Variants in RYR1 observed in about 807,000 individuals in gnomAD.
The protein encoded by RYR1 is ryanodine receptor 1.
In RYR1, 342 loss-of-function variants were observed where a neutral mutation model predicts 583.5. The observed-to-expected ratio is 0.59, with a 90% CI of 0.54 to 0.64. The LOEUF is 0.64. RYR1 is among the 30% of genes least tolerant of loss of function. The pLI is 0.00. For synonymous variants in RYR1, 2,791 were observed against 2,822.5 expected (o/e 0.99, Z 0.35); for missense variants, 6,032 against 6,917.2 (o/e 0.87, Z 4.54).
At chr19:38,453,731 A>C (rs1600670438) in intron 13 of RYR1, among the ~76,000 whole-genome samples, 1 of 151,858 alleles carries the variant, frequency 6.6e-6, no homozygotes, top group East Asian at 1.9e-4. Flanking sequence ...GGAAGAGAGG[A>C]AGCCATGTGC....
At position 38,577,969 on chromosome 19, in the gene RYR1, C is replaced by T; in HGVS notation, c.14224C>T (p.Leu4742=). The change falls in exon 98 of 106, where the codon CTG becomes TTG. Residue 4742 remains leucine, a synonymous_variant. Transcript: ENST00000359596. ...IYGRERIAEL[L]GMDLATLEIT... is the part of the protein sequence containing the mutation. ...CGGGCGGGAGCGGATTGCTGAGCTA[C>T]TGGGCATGGACCTGGCCACACTAGA... 1 of 1,614,110 alleles carries T rather than the reference C, an allele frequency of 6.2e-7. No individual in the cohort carries two copies.
chr19:38,534,649 T>G, intron 78 of RYR1, 71 bp from the exon 79 acceptor site: 2 of 1,331,282 alleles, frequency 1.5e-6, no homozygotes, highest in Non-Finnish European at 2.1e-6. Flanking sequence ...AGGGCAGAAG[T>G]GAGAATGTGA....
chr19:38,510,872 TGG>T, intron 60 of RYR1, 91 bp downstream of exon 60: 1 of 1,579,898 alleles, frequency 6.3e-7, no homozygotes, highest in South Asian at 1.1e-5. Flanking sequence ...TGCTGGGTGT[TGG>T]GTACTGACCG....
At chr19:38,568,581 C>CAAAAAAA (rs59369147) in intron 93 of RYR1, among the ~76,000 whole-genome samples, 5 of 64,896 alleles carry the variant, frequency 7.7e-5, no homozygotes, top group African/African-American at 1.8e-4. Context: ...ACTAAAAATA[C>CAAAAAAA]AAAAAAAAAA....
chr19:38,582,129 G>A (rs1810767354), intron 101 of RYR1, among the ~76,000 whole-genome samples: 1 of 152,104 alleles, frequency 6.6e-6, no homozygotes. Flanking sequence ...CTTGCACGGT[G>A]GCTCATGCCT....
In RYR1 at chr19:38,578,065, C is replaced by G. The variant is rs200239964; in HGVS notation, c.14303+17C>G. On this transcript the variant is annotated intron_variant, in intron 98 of 105. Coordinates refer to ENST00000359596, the MANE Select transcript of RYR1 (RefSeq NM_000540.3). ...GCTGACCTGGTGAGCCCAGGACACC[C>G]CTGCACAGGCCTGGGGCATGCAGGG... The G allele has an allele frequency of 8.1e-6, 13 of 1,613,950 alleles. No homozygotes were observed.
In RYR1 at chr19:38,566,779, T is replaced by C. The variant is rs914021275; in HGVS notation, c.13438-132T>C. ...AAAACGGGAATCATAATCTGCCTCT[T>C]TCTGGTGGAGGGAAGTGTAAAACTT... On this transcript the variant is annotated intron_variant, in intron 91 of 105. Transcript: ENST00000359596. 3.1e-5 allele frequency: 46 copies of C among 1,506,122 alleles called. No individual in the cohort carries two copies. In the South Asian group the frequency reaches 5.4e-4, roughly 18 times the overall value. The allele number at this position is 1,506,122 out of a possible 1,614,324, so 93.3% of individuals were successfully genotyped here.
intron 29 of RYR1, among the ~76,000 whole-genome samples, chr19:38,475,697 G>C (rs535127359): frequency 6.6e-6 from 1 of 152,310 alleles, no homozygotes; most frequent in East Asian, 1.9e-4. Flanking sequence ...TATAACTCCT[G>C]GGGATCCCCA....
At chr19:38,442,541 G>A in intron 3 of RYR1, 88 bp downstream of exon 3, 1 of 907,698 alleles carries the variant, frequency 1.1e-6, no homozygotes, top group Admixed American at 1.8e-5. Context: ...AAGGATGGGT[G>A]AGAGGACCCG....
intron 27 of RYR1, 38 bp from the exon 28 acceptor site, chr19:38,473,339 G>A (rs201504947): frequency 2.5e-5 from 40 of 1,612,950 alleles, no homozygotes; most frequent in Non-Finnish European, 3.3e-5. Context: ...GGCCTAGCCC[G>A]CCTGCCCAGC....
intron 93 of RYR1, among the ~76,000 whole-genome samples, chr19:38,569,973 G>C (rs1388787123): frequency 6.6e-6 from 1 of 152,192 alleles, no homozygotes; most frequent in Non-Finnish European, 1.5e-5. Flanking sequence ...AGACCAGCCT[G>C]ACCAACATGG....
In RYR1 at chr19:38,448,380, G is replaced by A. The variant is rs1331974286; in HGVS notation, c.826G>A (p.Gly276Ser). ...ISWSGSHLRW[G>S]QPLRVRHVTT... Reference sequence around the variant, plus strand: ...CTGGAGTGGGAGCCACCTGCGCTGGGGCCAGCCACTCCGAGTCCGGCATGT... The same window carrying A: ...CTGGAGTGGGAGCCACCTGCGCTGGAGCCAGCCACTCCGAGTCCGGCATGT... Residue 276 changes from glycine (G) to serine (S), a missense_variant, in exon 10 of 106, where the codon GGC becomes AGC. Physicochemically the swap from Gly to Ser is moderately conservative, Grantham distance 56. Coordinates refer to ENST00000359596, the MANE Select transcript of RYR1 (RefSeq NM_000540.3). 1 of 1,610,594 alleles carries A rather than the reference G, an allele frequency of 6.2e-7. No homozygotes were observed.
Position 38,500,740 on chromosome 19 carries a change from G to A in RYR1, c.7444+14G>A, listed in dbSNP as rs1234277596. 1.2e-6 allele frequency: 2 copies of A among 1,614,176 alleles called. No individual in the cohort carries two copies. The highest frequency in any genetic ancestry group is 1.1e-5 in the South Asian group (1 of 91,084). On this transcript the variant is annotated intron_variant, in intron 46 of 105. Transcript: ENST00000359596. This position sits in a 1 kb window ranked among gnomAD's most constrained non-coding sequence, Gnocchi z 5.9. The stretch of plus-strand genomic sequence containing the variant: ...CCCTGGGCAAAGGTGCAGAGGGGAT[G>A]GAACTTGGCGAAGGAGTGATGCTGG...
At chr19:38,481,857 T>G (rs55854019) in intron 31 of RYR1, among the ~76,000 whole-genome samples, 34,152 of 151,872 alleles carry the variant, frequency 0.22, 5,534 homozygotes, top group African/African-American at 0.45. Flanking sequence ...GGAGGCCGAG[T>G]TGGGCAGATC....
At position 38,457,616 on chromosome 19, in the gene RYR1, C is replaced by A. The variant is rs150299276; in HGVS notation, c.1911C>A (p.Ile637=). The change falls in exon 17 of 106, where the codon ATC becomes ATA. Residue 637 remains isoleucine, a synonymous_variant. Coordinates refer to ENST00000359596, the MANE Select transcript of RYR1 (RefSeq NM_000540.3). ...AGCTTCTGCTGCAGACAAACCTCATCAACTATGTCACCAGGTCTGGCTCTC... is the reference window on the plus strand; with the variant it reads ...AGCTTCTGCTGCAGACAAACCTCATAAACTATGTCACCAGGTCTGGCTCTC... ...GRELLLQTNL[I]NYVTSIRPNI... 12 of 1,614,072 alleles carry A rather than the reference C, an allele frequency of 7.4e-6. No homozygotes were observed. The African/African-American group carries it at 1.5e-4, about 20-fold the overall frequency.
chr19:38,478,253 G>A (rs922882204), intron 30 of RYR1, among the ~76,000 whole-genome samples, 182 bp from the exon 31 acceptor site: 1 of 151,982 alleles, frequency 6.6e-6, no homozygotes, highest in Non-Finnish European at 1.5e-5. Context: ...CAGCTGCTAG[G>A]AATCCCAGCT....
intron 93 of RYR1, among the ~76,000 whole-genome samples, chr19:38,569,227 G>A (rs751055796): frequency 2.6e-5 from 4 of 152,134 alleles, no homozygotes; most frequent in Non-Finnish European, 5.9e-5. Flanking sequence ...AGCCAGAATG[G>A]CCTAGATCTG....
chr19:38,538,821 C>T (rs537775342), intron 84 of RYR1: 2 of 152,328 alleles, frequency 1.3e-5, no homozygotes, highest in South Asian at 4.1e-4. Context: ...AATTACACAA[C>T]ATCAATGATG....
intron 57 of RYR1, 22 bp downstream of exon 57, chr19:38,506,974 C>T (rs767861427): frequency 6.2e-7 from 1 of 1,612,008 alleles, no homozygotes. Context: ...GGGGCTCCCG[C>T]GGAAGAGCAG....
Sources: gnomAD v4.1 joint callset for allele counts (sites outside exome capture counted in the v4.1 genomes callset) on GRCh38, gnomAD v4.1.1 for gene constraint, Gnocchi (gnomAD v3.1) non-coding constraint, MANE v1.5 for transcripts, NCBI Gene and HGNC (gene_info 2026-07-23, HGNC 2026-07-21) for gene names.